CPE: variants seen among roughly 807,000 people sequenced by gnomAD.
CPE encodes carbocypeptidase E.
Under a neutral mutation model 53.5 loss-of-function variants are expected in CPE, and 17 were observed. The ratio of observed to expected loss-of-function variants is 0.32; its 90% CI spans 0.22 to 0.48. The LOEUF (loss-of-function observed/expected upper bound fraction) is 0.48, where lower values mean the gene tolerates loss of function less well. Among genes scored for constraint, CPE ranks in the 20% least tolerant of loss-of-function variants. The probability of loss-of-function intolerance (pLI) is 0.99; values close to 1 mark genes in which losing one functional copy is unlikely to be tolerated. For synonymous variants in CPE, 226 were observed against 228.8 expected (o/e 0.99, Z 0.11); for missense variants, 524 against 614.7 (o/e 0.85, Z 1.56).
intron 1 of CPE, among the ~76,000 whole-genome samples, chr4:165,442,083 CCCAGG>C (rs1419733657): frequency 7.5e-6 from 1 of 132,658 alleles, no homozygotes; most frequent in African/African-American, 3.0e-5. Flanking sequence ...AGCTCTGTCA[CCCAGG>C]CTGGAGTGCA....
Position 165,450,623 on chromosome 4 carries a change from G to A in CPE, c.308-13767G>A, listed in dbSNP as rs1371990167. On this transcript the variant is annotated intron_variant, in intron 1 of 8. Coordinates refer to ENST00000402744, the MANE Select transcript of CPE (RefSeq NM_001873.4). ...TAATTAAAATTTAAATATTGAATTT[G>A]AAACTGGGACAAGCAATACGCTTTC... 2.0e-5 allele frequency among the ~76,000 whole-genome samples: 3 copies of A among 152,164 alleles called. No individual in the cohort carries two copies. In the South Asian group the frequency reaches 6.2e-4, roughly 32 times the overall value.
intron 1 of CPE, among the ~76,000 whole-genome samples, chr4:165,410,035 G>A (rs926792770): frequency 6.6e-6 from 1 of 152,172 alleles, no homozygotes; most frequent in East Asian, 1.9e-4. Context: ...ATCACCTGAG[G>A]TCAGGAGTTC....
At chr4:165,491,884 A>G (rs1732612511) in intron 6 of CPE, among the ~76,000 whole-genome samples, 1 of 152,202 alleles carries the variant, frequency 6.6e-6, no homozygotes, top group Non-Finnish European at 1.5e-5. Context: ...GTCAAGTATC[A>G]TAAGTAGCGA....
intron 1 of CPE, among the ~76,000 whole-genome samples, chr4:165,441,218 A>G (rs997119886): frequency 6.6e-6 from 1 of 152,170 alleles, no homozygotes; most frequent in African/African-American, 2.4e-5. Flanking sequence ...TTTGATTGTT[A>G]ATCTGATGAA....
chr4:165,484,731 C>A, intron 5 of CPE, 127 bp downstream of exon 5: 1 of 887,002 alleles, frequency 1.1e-6, no homozygotes, highest in Non-Finnish European at 1.6e-6. Flanking sequence ...TAGACTGAAT[C>A]TATAGTTCTT....
At chr4:165,438,715 G>A (rs1047358601) in intron 1 of CPE, among the ~76,000 whole-genome samples, 6 of 152,148 alleles carry the variant, frequency 3.9e-5, no homozygotes, top group African/African-American at 1.4e-4. Context: ...AGAGTTCATC[G>A]TGACTTCCAG....
intron 1 of CPE, among the ~76,000 whole-genome samples, chr4:165,462,218 G>T (rs2126699215): frequency 6.6e-6 from 1 of 152,322 alleles, no homozygotes; most frequent in Admixed American, 6.5e-5. Flanking sequence ...ACTAGGGGGA[G>T]CATGCTCTAT....
chr4:165,432,218 G>A (rs889392238), intron 1 of CPE, among the ~76,000 whole-genome samples: 18 of 152,202 alleles, frequency 1.2e-4, no homozygotes, highest in African/African-American at 4.3e-4. Context: ...TTGCCATTGT[G>A]CCGGGCACTG....
intron 1 of CPE, among the ~76,000 whole-genome samples, chr4:165,461,400 C>A (rs986676408): frequency 3.3e-5 from 5 of 151,872 alleles, no homozygotes; most frequent in Non-Finnish European, 5.9e-5. Context: ...AGGCACCACG[C>A]CAAACCACAT....
At chr4:165,424,836 T>C (rs931666593) in intron 1 of CPE, among the ~76,000 whole-genome samples, 1 of 151,928 alleles carries the variant, frequency 6.6e-6, no homozygotes, top group South Asian at 2.1e-4. Flanking sequence ...GCCCGGCCCA[T>C]GTTTTTTACT....
chr4:165,470,532 GCCGAT>G (rs1732186700), intron 3 of CPE, among the ~76,000 whole-genome samples: 1 of 152,174 alleles, frequency 6.6e-6, no homozygotes. Flanking sequence ...TTATCAGGAA[GCCGAT>G]CACCAGTTTT....
intron 1 of CPE, chr4:165,404,468 C>T (rs1217827151): frequency 2.2e-5 from 17 of 774,840 alleles, no homozygotes; most frequent in East Asian, 1.2e-4. Flanking sequence ...CCCAGACTGG[C>T]GACCTAGGAA....
chr4:165,398,359 CATACACAT>C (rs553207385), intron 1 of CPE, among the ~76,000 whole-genome samples: 57 of 152,094 alleles, frequency 3.7e-4, no homozygotes, highest in African/African-American at 1.3e-3. Flanking sequence ...TATACACATG[CATACACAT>C]ATACACATAT....
chr4:165,399,732 TATG>T (rs1414808120), intron 1 of CPE, among the ~76,000 whole-genome samples: 1 of 152,152 alleles, frequency 6.6e-6, no homozygotes, highest in Non-Finnish European at 1.5e-5. Flanking sequence ...ATGCATATGT[TATG>T]ATAAGATAGA....
chr4:165,384,243 G>T (rs943706404), intron 1 of CPE, among the ~76,000 whole-genome samples: 24 of 152,236 alleles, frequency 1.6e-4, no homozygotes, highest in African/African-American at 4.8e-4. Flanking sequence ...AGATAAACAG[G>T]TTTGTATATT....
chr4:165,497,348 C>A (rs1485423597), intron 8 of CPE, among the ~76,000 whole-genome samples, 164 bp from the exon 9 acceptor site: 1 of 152,046 alleles, frequency 6.6e-6, no homozygotes, highest in Non-Finnish European at 1.5e-5. Context: ...GAATTTTTTC[C>A]CCCTGAAAAT....
intron 5 of CPE, 129 bp downstream of exon 5, chr4:165,484,733 A>G (rs1732475814): frequency 2.3e-6 from 2 of 884,394 alleles, no homozygotes; most frequent in East Asian, 2.7e-5. Flanking sequence ...GACTGAATCT[A>G]TAGTTCTTCC....
intron 1 of CPE, chr4:165,404,130 CTT>C (rs1298427509): frequency 6.3e-6 from 5 of 793,626 alleles, no homozygotes; most frequent in Non-Finnish European, 1.1e-5. Context: ...GGGGTGAACT[CTT>C]TTCCATAGGC....
intron 1 of CPE, among the ~76,000 whole-genome samples, chr4:165,424,127 T>TTG (rs1386107723): frequency 2.6e-5 from 4 of 151,806 alleles, no homozygotes; most frequent in African/African-American, 7.3e-5. Flanking sequence ...CTTGCTGCAT[T>TTG]TTTTTTTAGT....
Sources: gnomAD v4.1 joint callset for allele counts (sites outside exome capture counted in the v4.1 genomes callset) on GRCh38, gnomAD v4.1.1 for gene constraint, MANE v1.5 for transcripts, NCBI Gene and HGNC (gene_info 2026-07-23, HGNC 2026-07-21) for gene names.